DUS3L: variants seen among roughly 807,000 people sequenced by gnomAD.
The protein encoded by DUS3L is dihydrouridine synthase 3 like, also known as tRNA-dihydrouridine(47) synthase [NAD(P)(+)]-like.
DUS3L carries 62 observed loss-of-function variants against 74.6 expected under a neutral mutation model. The ratio of observed to expected loss-of-function variants is 0.83; its 90% confidence interval spans 0.68 to 1.03. The LOEUF is 1.03. Among genes scored for constraint, DUS3L ranks in the 50% least tolerant of loss-of-function variants. DUS3L has a pLI of 0.00. For missense variants in DUS3L, 884 were observed against 924.4 expected (o/e 0.96, Z 0.57); for synonymous variants, 433 against 395.7 (o/e 1.09, Z -1.12).
chr19:5,787,872 CAT>C, intron 5 of DUS3L, 150 bp downstream of exon 5: 1 of 1,434,092 alleles, frequency 7.0e-7, no homozygotes, highest in Non-Finnish European at 9.4e-7. Context: ...CGGCCACGGC[CAT>C]CAGCCCCCAG....
intron 2 of DUS3L, 108 bp from the exon 3 acceptor site, chr19:5,789,827 C>A: frequency 7.0e-7 from 1 of 1,435,126 alleles, no homozygotes; most frequent in Admixed American, 2.2e-5. Flanking sequence ...TGTCCCTGAG[C>A]AAGTCAGGCA....
intron 4 of DUS3L, 84 bp downstream of exon 4, chr19:5,788,272 AG>A: frequency 6.2e-7 from 1 of 1,607,722 alleles, no homozygotes; most frequent in African/African-American, 1.3e-5. Flanking sequence ...CCCACAATCC[AG>A]TAGGTGGGGA....
intron 2 of DUS3L, 119 bp from the exon 3 acceptor site, chr19:5,789,838 C>T: frequency 1.5e-6 from 2 of 1,359,834 alleles, no homozygotes; most frequent in Non-Finnish European, 2.0e-6. Flanking sequence ...AAGTCAGGCA[C>T]CTCACCGTGC....
At position 5,786,687 on chromosome 19, in the gene DUS3L, C is replaced by T. The variant is rs937428524; in HGVS notation, c.1486+62G>A. ...GGGTCCCAAGTGGGAAGGCGAACAG[C>T]CCAGAGGTGTGAGTGACCAAGGGTG... On this transcript the variant is annotated intron_variant, in intron 9 of 12. Transcript: ENST00000309061. The T allele has an allele frequency of 1.3e-5, 20 of 1,589,728 alleles. No homozygotes were observed. In the African/African-American group the frequency reaches 2.3e-4, roughly 18 times the overall value.
intron 1 of DUS3L, chr19:5,790,687 G>C: frequency 3.7e-6 from 2 of 538,106 alleles, no homozygotes; most frequent in South Asian, 4.3e-5. Context: ...GCAGGCCCCA[G>C]CACGCCCCGC....
At position 5,788,271 on chromosome 19, in the gene DUS3L, C is replaced by T; in HGVS notation, c.942+86G>A. 3.1e-6 allele frequency: 5 copies of T among 1,607,976 alleles called. No homozygotes were observed. In the South Asian group the frequency reaches 5.5e-5, roughly 18 times the overall value. ...GAATATGCGCCCCAGCCCCACAATC[C>T]AGTAGGTGGGGACAGACACTAAGCC... is the stretch of plus-strand genomic sequence containing the variant. On this transcript the variant is annotated intron_variant, in intron 4 of 12. Transcript: ENST00000309061.
chr19:5,790,896 C>A, intron 1 of DUS3L, 148 bp downstream of exon 1: 1 of 763,196 alleles, frequency 1.3e-6, no homozygotes, highest in Non-Finnish European at 2.1e-6. Flanking sequence ...CTCCGCTGAC[C>A]ACCCTGCAGG....
chr19:5,787,529 G>C, intron 6 of DUS3L, 60 bp downstream of exon 6: 1 of 1,578,228 alleles, frequency 6.3e-7, no homozygotes, highest in African/African-American at 1.3e-5. Flanking sequence ...GACATCGCCG[G>C]CTGGGTCAGT....
intron 10 of DUS3L, 111 bp from the exon 11 acceptor site, chr19:5,785,902 G>A (rs2056837190): frequency 1.7e-6 from 2 of 1,173,838 alleles, no homozygotes; most frequent in Non-Finnish European, 2.3e-6. Flanking sequence ...AAACCTACAA[G>A]CCTAGTAAGC....
chr19:5,785,464 T>C lies in DUS3L; in HGVS notation c.1799A>G (p.Glu600Gly). 6.3e-7 allele frequency: 1 copy of C among 1,583,618 alleles called. No homozygotes were observed. The highest frequency in any genetic ancestry group is 8.6e-7 in the Non-Finnish European group (1 of 1,165,004). ...LLERLPQRIN[E>G]RPPYYLGRDY... ...GCGGCCCAGGTAGTAGGGCGGCCGCTCGTTGATCCTCTGTGGGAGCCGCTC... is the reference window on the plus strand; with the variant it reads ...GCGGCCCAGGTAGTAGGGCGGCCGCCCGTTGATCCTCTGTGGGAGCCGCTC... The change falls in exon 12 of 13, where the codon GAG becomes GGG. Residue 600 changes from glutamate (E) to glycine (G), a missense_variant. Coordinates refer to ENST00000309061, the MANE Select transcript of DUS3L (RefSeq NM_020175.3).
At position 5,790,038 on chromosome 19, in the gene DUS3L, C is replaced by G. The variant is rs761267601; in HGVS notation, c.387+9G>C. ...GCCCCGGCAGGAATGCTCACGTGGC[C>G]GCACTTGCCTGGATTAGGGAGGGAC... On this transcript the variant is annotated intron_variant, in intron 2 of 12. Coordinates refer to ENST00000309061, the MANE Select transcript of DUS3L (RefSeq NM_020175.3). 1.2e-6 allele frequency: 2 copies of G among 1,610,088 alleles called. No individual in the cohort carries two copies. The highest frequency in any genetic ancestry group is 1.7e-6 in the Non-Finnish European group (2 of 1,176,584).
chr19:5,789,185 T>A (rs367692153), intron 3 of DUS3L, 22 bp downstream of exon 3: 1 of 1,513,174 alleles, frequency 6.6e-7, no homozygotes, highest in African/African-American at 1.4e-5. Flanking sequence ...GATCTGCTAC[T>A]GACGTTGTCC....
Position 5,787,309 on chromosome 19 carries a change from C to G in DUS3L, c.1265G>C (p.Arg422Pro). Residue 422 changes from arginine (R) to proline (P), a missense_variant, in exon 7 of 13, where the codon CGT (arginine) becomes CCT (proline). Transcript: ENST00000309061. ...GGCTGGCCGTACCTGGTTCATGCCA[C>G]GGACGATCTGCTGGAACTTGGTGGA... ...NRSTKFQQIV[R>P]GMNQVLDVPL... is the part of the protein sequence containing the mutation. 9.3e-7 allele frequency: 1 copy of G among 1,080,518 alleles called. No individual in the cohort carries two copies. The highest frequency in any genetic ancestry group is 7.9e-5 in the East Asian group (1 of 12,714). 66.9% of individuals were successfully genotyped at this position (1,080,518 alleles called of 1,614,324 possible). A position where few individuals can be genotyped will look rare whatever the true frequency, so the allele number is the denominator to read the frequency against.
chr19:5,786,707 A>C (rs2305927), intron 9 of DUS3L, 42 bp downstream of exon 9: 2 of 1,598,776 alleles, frequency 1.3e-6, no homozygotes, highest in Admixed American at 1.7e-5. Flanking sequence ...TGAGTGACCA[A>C]GGGTGGTAGG....
chr19:5,787,814 G>C lies in DUS3L; in HGVS notation c.1096-109C>G. The C allele has an allele frequency of 2.7e-6, 4 of 1,466,634 alleles. No homozygotes were observed. The Admixed American group carries it at 5.1e-5, about 19-fold the overall frequency. 90.9% of individuals were successfully genotyped at this position (1,466,634 alleles called of 1,614,324 possible). ...CCCTGAGCCAGTGGCCTCCTCTCTC[G>C]GGGCCTCCCCGGAAGGAGCCAAGGT... is the stretch of plus-strand genomic sequence containing the variant. On this transcript the variant is annotated intron_variant, in intron 5 of 12. Coordinates refer to ENST00000309061, the MANE Select transcript of DUS3L (RefSeq NM_020175.3).
chr19:5,791,036 C>T lies in DUS3L; in HGVS notation c.98+8G>A. On this transcript the variant is annotated splice_region_variant and intron_variant, in intron 1 of 12. Coordinates refer to ENST00000309061, the MANE Select transcript of DUS3L (RefSeq NM_020175.3). The stretch of plus-strand genomic sequence containing the variant: ...CCCTTCAGCTTCCCTCCTGCCCCGG[C>T]GACTCACTGACGCTTAATGGGCGCC... 4.4e-6 allele frequency: 7 copies of T among 1,591,738 alleles called. No homozygotes were observed. The highest frequency in any genetic ancestry group is 6.0e-6 in the Non-Finnish European group (7 of 1,169,368).
chr19:5,786,230 T>C (rs891846984), intron 10 of DUS3L, among the ~76,000 whole-genome samples: 1 of 152,206 alleles, frequency 6.6e-6, no homozygotes, highest in Admixed American at 6.5e-5. Flanking sequence ...ATTACAGGCG[T>C]GAGCCACACA....
Position 5,787,640 on chromosome 19 carries a change from C to T in DUS3L, c.1161G>A (p.Val387=). Residue 387 remains valine, a synonymous_variant, in exon 6 of 13, where the codon GTG becomes GTA. Coordinates refer to ENST00000309061, the MANE Select transcript of DUS3L (RefSeq NM_020175.3). ...AGCCGACGTTGATGTCCACAAAGTC[C>T]ACCTCCACGGTGCGGCTCAGCAGCT... ...CAELLSRTVE[V]DFVDINVGCP... 6.2e-7 allele frequency: 1 copy of T among 1,613,866 alleles called. No homozygotes were observed. The highest frequency in any genetic ancestry group is 8.5e-7 in the Non-Finnish European group (1 of 1,179,990).
In DUS3L at chr19:5,785,421, C is replaced by A; in HGVS notation, c.1842G>T (p.Leu614=). The part of the protein sequence containing the change: ...YYLGRDYLET[L]MASQKAADWI... ...AGTCGGCTGCCTTCTGGCTGGCCAT[C>A]AGCGTCTCCAGGTAGTCGCGGCCCA... is the stretch of plus-strand genomic sequence containing the variant. The change falls in exon 12 of 13, where the codon CTG becomes CTT. Residue 614 remains leucine, a synonymous_variant. Transcript: ENST00000309061. 6.3e-7 allele frequency: 1 copy of A among 1,594,106 alleles called. No individual in the cohort carries two copies. Among genetic ancestry groups the A allele is most frequent in the African/African-American group, 1.3e-5 (1 of 74,732 alleles).
Sources: gnomAD v4.1 joint callset for allele counts (sites outside exome capture counted in the v4.1 genomes callset) on GRCh38, gnomAD v4.1.1 for gene constraint, MANE v1.5 for transcripts, NCBI Gene and HGNC (gene_info 2026-07-23, HGNC 2026-07-21) for gene names.